Variants in ADRA1A observed in about 807,000 individuals in gnomAD.
The protein encoded by ADRA1A is adrenoceptor alpha 1A, also known as alpha-1A adrenergic receptor.
A neutral mutation model predicts 29.6 loss-of-function variants in ADRA1A; 31 were observed. The ratio of observed to expected loss-of-function variants is 1.05; its 90% CI spans 0.79 to 1.41. The LOEUF (loss-of-function observed/expected upper bound fraction) is 1.41, where lower values mean the gene tolerates loss of function less well. Ranked by LOEUF, ADRA1A falls within the 40% of genes most tolerant of loss-of-function variation. The probability of loss-of-function intolerance (pLI) is 0.00; values close to 1 mark genes in which losing one functional copy is unlikely to be tolerated. For synonymous variants in ADRA1A, 311 were observed against 254.3 expected (o/e 1.22, Z -2.12); for missense variants, 619 against 601.1 (o/e 1.03, Z -0.31).
intron 2 of ADRA1A, among the ~76,000 whole-genome samples, chr8:26,780,583 C>A (rs1806898331): frequency 6.6e-6 from 1 of 152,192 alleles, no homozygotes; most frequent in Non-Finnish European, 1.5e-5. Flanking sequence ...TGCTTTCTTG[C>A]CATTTCCCCT....
rs149049065 is a variant in ADRA1A, at chr8:26,863,498, G to C, written c.883+589C>G. On this transcript the variant is annotated intron_variant, in intron 2 of 2. Transcript: ENST00000380573. ...AATTATTTAAGGCTTAAATTGGTTTGGACATAAAATCATTTTTTTTTCTTA... is the reference window on the plus strand; with the variant it reads ...AATTATTTAAGGCTTAAATTGGTTTCGACATAAAATCATTTTTTTTTCTTA... Among the ~76,000 whole-genome samples the C allele has an allele frequency of 3.9e-3, 599 of 152,122 alleles. 3 individuals are homozygous for C. Among genetic ancestry groups the C allele is most frequent in the African/African-American group, 0.014 (566 of 41,504 alleles).
chr8:26,865,891 C>T lies in ADRA1A; in HGVS notation c.-686-236G>A, dbSNP rs940031467. On this transcript the variant is annotated intron_variant, in intron 1 of 2. Transcript: ENST00000380573. The surrounding 1 kb of genome is among the most constrained non-coding windows in gnomAD (Gnocchi z 7.6). ...CTCTGCCCGAGTTCAGGATCCGAAG[C>T]GAAAAACAAACAAAAAAACAAATCC... Among the ~76,000 whole-genome samples the T allele has an allele frequency of 7.9e-6, 1 of 125,976 alleles. No individual in the cohort carries two copies. Among genetic ancestry groups the T allele is most frequent in the African/African-American group, 2.8e-5 (1 of 36,138 alleles). 82.6% of individuals were successfully genotyped at this position (125,976 alleles called of 152,430 possible). A position where few individuals can be genotyped will look rare whatever the true frequency, so the allele number is the denominator to read the frequency against.
Position 26,770,092 on chromosome 8 carries a change from G to A in ADRA1A, c.*57C>T. ...CCTCCAAGAAGAGCTGGCCTTCCGA[G>A]AAGGAAGTGGGGTGGGTACCTAAGA... On this transcript the variant is annotated 3_prime_UTR_variant, in exon 3 of 3. Coordinates refer to ENST00000380573, the MANE Select transcript of ADRA1A (RefSeq NM_000680.4). The A allele has an allele frequency of 6.6e-7, 1 of 1,513,812 alleles. No homozygotes were observed. 93.8% of individuals were successfully genotyped at this position (1,513,812 alleles called of 1,614,324 possible).
At chr8:26,827,432 T>C (rs1810652371) in intron 2 of ADRA1A, among the ~76,000 whole-genome samples, 1 of 152,152 alleles carries the variant, frequency 6.6e-6, no homozygotes, top group Non-Finnish European at 1.5e-5. Flanking sequence ...TGTCCTAAAC[T>C]AGCTGGCATA....
At chr8:26,834,910 G>A (rs1811238343) in intron 2 of ADRA1A, among the ~76,000 whole-genome samples, 1 of 152,062 alleles carries the variant, frequency 6.6e-6, no homozygotes, top group Admixed American at 6.6e-5. Context: ...CATATACCAA[G>A]CTCTCAAATC....
intron 2 of ADRA1A, among the ~76,000 whole-genome samples, chr8:26,798,738 C>T (rs1216261196): frequency 6.6e-6 from 1 of 152,066 alleles, no homozygotes; most frequent in Non-Finnish European, 1.5e-5. Context: ...TGTAGGTTAC[C>T]ATTATTAAAT....
At chr8:26,784,623 G>T (rs993069811) in intron 2 of ADRA1A, among the ~76,000 whole-genome samples, 3 of 152,196 alleles carry the variant, frequency 2.0e-5, no homozygotes, top group African/African-American at 7.2e-5. Context: ...TGTTTATTCA[G>T]ATTTGATTTT....
chr8:26,865,128 A>G lies in ADRA1A; in HGVS notation c.-159T>C, dbSNP rs1170457509. The G allele has an allele frequency of 8.9e-6, 13 of 1,461,570 alleles. No homozygotes were observed. The highest frequency in any genetic ancestry group is 1.1e-5 in the Non-Finnish European group (12 of 1,115,332). 90.5% of individuals were successfully genotyped at this position (1,461,570 alleles called of 1,614,324 possible). A position where few individuals can be genotyped will look rare whatever the true frequency, so the allele number is the denominator to read the frequency against. ...GTGAGAGCGCGCGCGCGGGTGGGAA[A>G]CAACCCTGGCCAGCCCTGGGAACCC... On this transcript the variant is annotated 5_prime_UTR_variant, in exon 2 of 3. Transcript: ENST00000380573. The surrounding 1 kb of genome is among the most constrained non-coding windows in gnomAD (Gnocchi z 7.6).
rs1377381449 is a variant in ADRA1A at position 26,770,479 on chromosome 8, G to A, written c.1071C>T (p.Gly357=). The A allele has an allele frequency of 1.8e-5, 29 of 1,614,098 alleles. No individual in the cohort carries two copies. The highest frequency in any genetic ancestry group is 2.4e-5 in the Non-Finnish European group (28 of 1,180,042). Residue 357 remains glycine (G), a synonymous_variant, in exon 3 of 3, where the codon GGC becomes GGT. Transcript: ENST00000380573. ...CRKQSSKHAL[G]YTLHPPSQAV... is the part of the protein sequence containing the mutation. ...CCTGGCTGGGCGGGTGCAGGGTGTAGCCCAGGGCATGTTTGGAAGACTGCT... is the reference window on the plus strand; with the variant it reads ...CCTGGCTGGGCGGGTGCAGGGTGTAACCCAGGGCATGTTTGGAAGACTGCT...
At chr8:26,767,990 G>A (rs1416419002), downstream of ADRA1A, among the ~76,000 whole-genome samples, 1 of 152,174 alleles carries the variant, frequency 6.6e-6, no homozygotes, top group Non-Finnish European at 1.5e-5. Context: ...GAGAACAGAA[G>A]AGTCTAAAAA....
At chr8:26,826,209 T>C (rs1156609897) in intron 2 of ADRA1A, among the ~76,000 whole-genome samples, 3 of 152,250 alleles carry the variant, frequency 2.0e-5, no homozygotes, top group East Asian at 3.9e-4. Context: ...CAGTAATTAA[T>C]GAAAGTCTCA....
chr8:26,766,563 C>A (rs911483912), downstream of ADRA1A, among the ~76,000 whole-genome samples: 1 of 152,156 alleles, frequency 6.6e-6, no homozygotes, highest in Non-Finnish European at 1.5e-5. Flanking sequence ...GGAGGCAAAT[C>A]TCAAGGAAAC....
intron 2 of ADRA1A, among the ~76,000 whole-genome samples, chr8:26,791,071 C>A (rs1485878196): frequency 6.6e-6 from 1 of 152,064 alleles, no homozygotes; most frequent in African/African-American, 2.4e-5. Flanking sequence ...AGATTTTAAA[C>A]AACTATGATT....
In ADRA1A at chr8:26,865,393, T is replaced by C. The variant is rs535194202; in HGVS notation, c.-424A>G. ...GGGGGAAGATTCAGCATTCTGCACA[T>C]GATTCGGAATTCAAAACTCCAGCGC... On this transcript the variant is annotated 5_prime_UTR_variant, in exon 2 of 3. It removes an upstream start codon present in the reference 5' UTR. Transcript: ENST00000380573. This position sits in a 1 kb window ranked among gnomAD's most constrained non-coding sequence, Gnocchi z 7.6. 4.9e-6 allele frequency: 5 copies of C among 1,010,240 alleles called. No individual in the cohort carries two copies. The East Asian group carries it at 5.0e-4, about 102-fold the overall frequency. The allele number at this position is 1,010,240 out of a possible 1,614,324, so 62.6% of individuals were successfully genotyped here.
At chr8:26,849,730 AT>A (rs1812472744) in intron 2 of ADRA1A, among the ~76,000 whole-genome samples, 1 of 152,222 alleles carries the variant, frequency 6.6e-6, no homozygotes, top group African/African-American at 2.4e-5. Flanking sequence ...AGCTTCAGCT[AT>A]TCAATAGAGG....
chr8:26,764,819 C>T (rs1039484344), downstream of ADRA1A, among the ~76,000 whole-genome samples: 11 of 152,194 alleles, frequency 7.2e-5, no homozygotes, highest in Non-Finnish European at 1.0e-4. Flanking sequence ...CCTACAGGAT[C>T]CGGCTTTTGA....
intron 2 of ADRA1A, among the ~76,000 whole-genome samples, chr8:26,800,216 G>A (rs1176136265): frequency 6.6e-6 from 1 of 152,076 alleles, no homozygotes; most frequent in Non-Finnish European, 1.5e-5. Flanking sequence ...CTGAGATCGT[G>A]CCACTGCACC....
At chr8:26,814,992 A>G (rs1052126852) in intron 2 of ADRA1A, among the ~76,000 whole-genome samples, 1 of 152,200 alleles carries the variant, frequency 6.6e-6, no homozygotes, top group African/African-American at 2.4e-5. Context: ...GAAAAATGTG[A>G]AAATTTGAGC....
In ADRA1A at chr8:26,866,975, G is replaced by C. The variant is rs61757020; in HGVS notation, c.-726C>G. The C allele has an allele frequency of 3.0e-6, 3 of 985,138 alleles. No homozygotes were observed. Among genetic ancestry groups the C allele is most frequent in the Non-Finnish European group, 3.6e-6 (3 of 829,876 alleles). The allele number at this position is 985,138 out of a possible 1,614,324, so 61.0% of individuals were successfully genotyped here. On this transcript the variant is annotated 5_prime_UTR_variant, in exon 1 of 3. In the 5' UTR this introduces an upstream ATG that the reference lacks. Transcript: ENST00000380573. This position sits in a 1 kb window ranked among gnomAD's most constrained non-coding sequence, Gnocchi z 5.7. ...CTGAGCCACCAGCTCGCGCGCGGGG[G>C]ATGTGGACCCGGCTTCGGTCCCGGG...
Sources: gnomAD v4.1 joint callset for allele counts (sites outside exome capture counted in the v4.1 genomes callset) on GRCh38, gnomAD v4.1.1 for gene constraint, Gnocchi (gnomAD v3.1) non-coding constraint, MANE v1.5 for transcripts, NCBI Gene and HGNC (gene_info 2026-07-23, HGNC 2026-07-21) for gene names.